Variants in SLC25A21 observed in about 807,000 individuals in gnomAD.
SLC25A21 encodes solute carrier family 25 member 21.
A neutral mutation model predicts 43.8 loss-of-function variants in SLC25A21; 47 were observed. The observed-to-expected ratio is 1.07, with a 90% CI of 0.85 to 1.37. The LOEUF is 1.37. SLC25A21 is among the 40% of genes most tolerant of loss of function. The pLI is 0.00. For missense variants in SLC25A21, 352 were observed against 350.2 expected (o/e 1.00, Z -0.04); for synonymous variants, 131 against 121.3 (o/e 1.08, Z -0.52).
intron 7 of SLC25A21, among the ~76,000 whole-genome samples, chr14:36,703,957 G>A (rs563340848): frequency 3.3e-5 from 5 of 152,168 alleles, no homozygotes; most frequent in Non-Finnish European, 5.9e-5. Flanking sequence ...TGGGGAGAAA[G>A]TATAATTCTT....
chr14:37,068,146 T>G (rs578112150), intron 1 of SLC25A21, among the ~76,000 whole-genome samples: 1 of 152,358 alleles, frequency 6.6e-6, no homozygotes, highest in African/African-American at 2.4e-5. Flanking sequence ...AGTCACCACA[T>G]TGTGGACTTG....
intron 1 of SLC25A21, among the ~76,000 whole-genome samples, chr14:37,000,440 C>T (rs1362188666): frequency 6.6e-6 from 1 of 152,182 alleles, no homozygotes; most frequent in Non-Finnish European, 1.5e-5. Flanking sequence ...ACTCAGAATT[C>T]AGCCTTAGCT....
intron 1 of SLC25A21, among the ~76,000 whole-genome samples, chr14:37,099,884 T>C (rs1351942887): frequency 6.6e-6 from 1 of 152,060 alleles, no homozygotes; most frequent in Non-Finnish European, 1.5e-5. Context: ...CCACACTTAC[T>C]CTTTATATAT....
At chr14:37,005,336 T>A (rs1594748494) in intron 1 of SLC25A21, among the ~76,000 whole-genome samples, 1 of 152,218 alleles carries the variant, frequency 6.6e-6, no homozygotes, top group South Asian at 2.1e-4. Context: ...AAGTTTAACC[T>A]CCTCCTGTTT....
At chr14:36,912,940 C>T (rs1891732200) in intron 1 of SLC25A21, among the ~76,000 whole-genome samples, 1 of 152,132 alleles carries the variant, frequency 6.6e-6, no homozygotes, top group African/African-American at 2.4e-5. Flanking sequence ...GTCATACCAC[C>T]TTTAGTGAAA....
intron 1 of SLC25A21, among the ~76,000 whole-genome samples, chr14:36,921,492 G>C (rs1360850608): frequency 6.6e-6 from 1 of 152,078 alleles, no homozygotes; most frequent in Non-Finnish European, 1.5e-5. Context: ...AATTTACATT[G>C]TAATACAGTG....
chr14:36,960,791 A>G (rs1203131962), intron 1 of SLC25A21, among the ~76,000 whole-genome samples: 1 of 152,208 alleles, frequency 6.6e-6, no homozygotes, highest in Non-Finnish European at 1.5e-5. Flanking sequence ...AACAAAAAAG[A>G]AAGTCCAAGG....
chr14:36,801,397 C>A (rs1474719898), intron 3 of SLC25A21, among the ~76,000 whole-genome samples: 1 of 152,148 alleles, frequency 6.6e-6, no homozygotes, highest in East Asian at 1.9e-4. Context: ...CATCCCTGAA[C>A]ACCAACCTAC....
At chr14:37,100,016 G>A (rs1450719313) in intron 1 of SLC25A21, among the ~76,000 whole-genome samples, 1 of 151,298 alleles carries the variant, frequency 6.6e-6, no homozygotes, top group Non-Finnish European at 1.5e-5. Flanking sequence ...CAGCTCAAAT[G>A]CCACCACCTC....
chr14:37,090,017 T>G (rs1962555164), intron 1 of SLC25A21, among the ~76,000 whole-genome samples: 1 of 152,208 alleles, frequency 6.6e-6, no homozygotes, highest in Admixed American at 6.5e-5. Context: ...CCCCTCTACA[T>G]TCTTAGGAAC....
At chr14:37,015,004 T>C (rs1032540005) in intron 1 of SLC25A21, among the ~76,000 whole-genome samples, 4 of 152,112 alleles carry the variant, frequency 2.6e-5, no homozygotes, top group African/African-American at 9.6e-5. Context: ...GCTTTGTTGT[T>C]CCATTTATAG....
At chr14:36,715,285 C>T (rs1269998610) in intron 6 of SLC25A21, among the ~76,000 whole-genome samples, 5 of 152,178 alleles carry the variant, frequency 3.3e-5, no homozygotes, top group African/African-American at 1.2e-4. Context: ...CATTGTTTCA[C>T]ACATATGTAA....
At chr14:36,755,139 C>T (rs945808563) in intron 3 of SLC25A21, among the ~76,000 whole-genome samples, 2 of 152,144 alleles carry the variant, frequency 1.3e-5, no homozygotes, top group Non-Finnish European at 2.9e-5. Flanking sequence ...TAGTCTAAAA[C>T]CACACTCCCA....
At chr14:36,848,058 A>G (rs942387701) in intron 2 of SLC25A21, among the ~76,000 whole-genome samples, 2 of 152,136 alleles carry the variant, frequency 1.3e-5, no homozygotes, top group Admixed American at 6.5e-5. Context: ...AGATGTGTGC[A>G]GTGAGGGGGA....
Position 36,683,879 on chromosome 14 carries a change from T to A in SLC25A21, c.787A>T (p.Ile263Phe), listed in dbSNP as rs1882406488. 2 of 1,603,962 alleles carry A rather than the reference T, an allele frequency of 1.2e-6. No individual in the cohort carries two copies. Among genetic ancestry groups the A allele is most frequent in the East Asian group, 4.5e-5 (2 of 44,734 alleles). Residue 263 changes from isoleucine to phenylalanine, a missense_variant and splice_region_variant, in exon 9 of 10, where the codon ATT (isoleucine) becomes TTT (phenylalanine). Transcript: ENST00000331299. The stretch of plus-strand genomic sequence containing the variant: ...AGCAGGCCTTTGTACAAAGCTAAAA[T>A]CCTGTAATGGGAAGGGAAAGAGAAA... ...TMATVYQEEG[I>F]LALYKGLLPK...
chr14:36,981,617 TC>T (rs1020436395), intron 1 of SLC25A21, among the ~76,000 whole-genome samples: 2 of 151,978 alleles, frequency 1.3e-5, no homozygotes, highest in African/African-American at 2.4e-5. Flanking sequence ...GTGTTCTCAC[TC>T]ATAGGTGGGA....
intron 1 of SLC25A21, among the ~76,000 whole-genome samples, chr14:36,951,109 T>G (rs1892799478): frequency 6.6e-6 from 1 of 152,054 alleles, no homozygotes; most frequent in African/African-American, 2.4e-5. Context: ...GAGGCAGTCT[T>G]CTCTATCTGT....
At chr14:36,941,884 AT>A (rs377238081) in intron 1 of SLC25A21, among the ~76,000 whole-genome samples, 148 of 151,920 alleles carry the variant, frequency 9.7e-4, no homozygotes, top group Non-Finnish European at 1.8e-3. Context: ...GTTTAAATAA[AT>A]TTTTTTTAAA....
At chr14:36,768,218 C>T (rs1886486261) in intron 3 of SLC25A21, among the ~76,000 whole-genome samples, 1 of 152,040 alleles carries the variant, frequency 6.6e-6, no homozygotes, top group Non-Finnish European at 1.5e-5. Flanking sequence ...ACTTGTTGAC[C>T]AAGAGAGGGT....
Sources: allele counts gnomAD v4.1 joint callset (sites outside exome capture counted in the v4.1 genomes callset), GRCh38; gene constraint gnomAD v4.1.1; transcripts MANE v1.5; gene names NCBI Gene and HGNC (gene_info 2026-07-23, HGNC 2026-07-21).